The following TBCK variants were observed in gnomAD, a reference collection of about 807,000 sequenced individuals.
The protein encoded by TBCK is TBC domain-containing protein kinase-like protein.
TBCK carries 99 observed loss-of-function variants against 113.4 expected under a neutral mutation model. The observed-to-expected ratio is 0.87, with a 90% CI of 0.74 to 1.03. The LOEUF (loss-of-function observed/expected upper bound fraction) is 1.03, where lower values mean the gene tolerates loss of function less well. Ranked by LOEUF, TBCK falls within the 50% of genes least tolerant of loss-of-function variation. The pLI, the probability that TBCK is intolerant of heterozygous loss-of-function variation, is 0.00. For synonymous variants in TBCK, 369 were observed against 370.8 expected, an observed-to-expected ratio of 1.00 and a Z score of 0.05; for missense variants, 1,045 against 1,061.3, an observed-to-expected ratio of 0.98 and a Z score of 0.21.
intron 1 of TBCK, among the ~76,000 whole-genome samples, chr4:106,313,125 T>C (rs1340920143): frequency 6.6e-6 from 1 of 152,232 alleles, no homozygotes; most frequent in Non-Finnish European, 1.5e-5. Context: ...AGATAAACAC[T>C]GCTATACATT....
At chr4:106,086,957 C>CA (rs756201203) in intron 25 of TBCK, among the ~76,000 whole-genome samples, 1 of 152,136 alleles carries the variant, frequency 6.6e-6, no homozygotes, top group South Asian at 2.1e-4. Context: ...TTATTTATGA[C>CA]AAACTCACAG....
At chr4:106,281,902 G>T (rs1764633789) in intron 3 of TBCK, among the ~76,000 whole-genome samples, 1 of 151,982 alleles carries the variant, frequency 6.6e-6, no homozygotes. Flanking sequence ...TGGGTATCAG[G>T]GTAATATTGG....
chr4:106,127,401 G>A (rs561768725), intron 23 of TBCK, among the ~76,000 whole-genome samples: 3 of 152,152 alleles, frequency 2.0e-5, no homozygotes, highest in East Asian at 1.9e-4. Flanking sequence ...GACTGAGTGC[G>A]TGCATGTGTC....
intron 3 of TBCK, among the ~76,000 whole-genome samples, chr4:106,275,174 A>ACT (rs1763895786): frequency 1.3e-5 from 2 of 152,186 alleles, no homozygotes; most frequent in Non-Finnish European, 2.9e-5. Flanking sequence ...TAAAGAAGAA[A>ACT]AATCATATCA....
At chr4:106,096,013 CT>C (rs1169884397) in intron 24 of TBCK, among the ~76,000 whole-genome samples, 22 of 150,896 alleles carry the variant, frequency 1.5e-4, no homozygotes, top group South Asian at 6.3e-4. Flanking sequence ...GCTGCTTCAT[CT>C]TTTTTTTTAA....
intron 9 of TBCK, chr4:106,247,892 T>TA (rs1383369973): frequency 6.0e-6 from 1 of 167,230 alleles, no homozygotes; most frequent in Non-Finnish European, 1.3e-5. Flanking sequence ...TCCAAGTTCA[T>TA]TGCTATAATA....
chr4:106,049,715 A>C (rs774044301), intron 25 of TBCK, among the ~76,000 whole-genome samples: 1 of 152,112 alleles, frequency 6.6e-6, no homozygotes, highest in East Asian at 1.9e-4. Flanking sequence ...ACAAATCTAC[A>C]CTTACTGAGC....
intron 3 of TBCK, among the ~76,000 whole-genome samples, chr4:106,272,636 C>A (rs572543600): frequency 1.3e-5 from 2 of 151,692 alleles, no homozygotes; most frequent in South Asian, 4.2e-4. Context: ...GGACTACAGG[C>A]GCATGCCACC....
At chr4:106,164,014 T>A (rs978939542) in intron 23 of TBCK, among the ~76,000 whole-genome samples, 6 of 152,126 alleles carry the variant, frequency 3.9e-5, no homozygotes, top group African/African-American at 1.4e-4. Flanking sequence ...TTTGGGCCAA[T>A]GGTAGAATAA....
chr4:106,216,426 G>A (rs1227536245), intron 19 of TBCK, among the ~76,000 whole-genome samples: 1 of 152,118 alleles, frequency 6.6e-6, no homozygotes, highest in Admixed American at 6.5e-5. Context: ...CTGAATCCAG[G>A]AGCTGGTTTT....
chr4:106,288,754 T>C (rs1765376247), intron 3 of TBCK, among the ~76,000 whole-genome samples: 1 of 152,218 alleles, frequency 6.6e-6, no homozygotes, highest in Non-Finnish European at 1.5e-5. Flanking sequence ...GCATCCCTAA[T>C]CTGAAAATCT....
intron 23 of TBCK, among the ~76,000 whole-genome samples, chr4:106,131,229 C>T (rs185011442): frequency 2.0e-5 from 3 of 152,300 alleles, no homozygotes; most frequent in Admixed American, 6.5e-5. Flanking sequence ...ACAGGCCTCC[C>T]GAGCCATGTG....
rs917434838 is a variant in TBCK, at chr4:106,070,101, C to G, written c.2572-23421G>C. Among the ~76,000 whole-genome samples the G allele has an allele frequency of 5.3e-5, 8 of 152,200 alleles. No homozygotes were observed. In the East Asian group the frequency reaches 1.5e-3, roughly 29 times the overall value. On this transcript the variant is annotated intron_variant, in intron 25 of 25. Coordinates refer to ENST00000394708, the MANE Select transcript of TBCK (RefSeq NM_001163435.3). ...TCATCTGCAAACAGGGACAATTTGA[C>G]TTCCTCTTTTCCTAATTGAATACCC... is the stretch of plus-strand genomic sequence containing the variant.
Position 106,232,959 on chromosome 4 carries a change from G to A in TBCK, c.1618C>T (p.Pro540Ser). 1 of 1,612,024 alleles carries A rather than the reference G, an allele frequency of 6.2e-7. No homozygotes were observed. Among genetic ancestry groups the A allele is most frequent in the Non-Finnish European group, 8.5e-7 (1 of 1,178,690 alleles). Residue 540 changes from proline to serine, a missense_variant, in exon 17 of 26, where the codon CCT becomes TCT. Pro to Ser is a moderately conservative substitution (Grantham distance 74). Transcript: ENST00000394708. The stretch of plus-strand genomic sequence containing the variant: ...TTACCTTGCCAATACACAAGATCAG[G>A]ATGAGACACTACCCAGGCTTTTAAT... ...RVLKAWVVSH[P>S]DLVYWQGLDS...
chr4:106,284,140 T>A (rs75126341), intron 3 of TBCK, among the ~76,000 whole-genome samples: 1 of 152,148 alleles, frequency 6.6e-6, no homozygotes, highest in East Asian at 1.9e-4. Context: ...AGATCAGTTA[T>A]ATAAATCTCT....
intron 3 of TBCK, among the ~76,000 whole-genome samples, chr4:106,265,916 T>C (rs1762952045): frequency 6.6e-6 from 1 of 151,844 alleles, no homozygotes; most frequent in Non-Finnish European, 1.5e-5. Flanking sequence ...GGTTACTATT[T>C]ATAAAGAATG....
intron 23 of TBCK, among the ~76,000 whole-genome samples, chr4:106,162,152 G>A (rs1749875163): frequency 6.6e-6 from 1 of 152,104 alleles, no homozygotes; most frequent in Admixed American, 6.5e-5. Context: ...CAAAACAACA[G>A]GGCTACAGGC....
Position 106,231,742 on chromosome 4 carries a change from G to GC in TBCK, c.1676_1677insG (p.Asn559LysfsTer4). 1 of 1,609,212 alleles carries GC rather than the reference G, an allele frequency of 6.2e-7. No homozygotes were observed. The highest frequency in any genetic ancestry group is 8.5e-7 in the Non-Finnish European group (1 of 1,177,592). ...AAAGAGGCTTACCTTCATTATTGAAGTTTAGATATAGGAATGGAGCACAAA... is the reference window on the plus strand; with the variant it reads ...AAAGAGGCTTACCTTCATTATTGAAGCTTTAGATATAGGAATGGAGCACAAA... On this transcript the variant is annotated frameshift_variant, in exon 18 of 26. Transcript: ENST00000394708. LOFTEE classifies it high-confidence loss of function.
At chr4:106,136,114 T>C (rs1262656586) in intron 23 of TBCK, among the ~76,000 whole-genome samples, 3 of 141,994 alleles carry the variant, frequency 2.1e-5, no homozygotes, top group African/African-American at 7.5e-5. Context: ...ATCGAGAGCT[T>C]TGCTCAATTC....
Sources: gnomAD v4.1 joint callset for allele counts (sites outside exome capture counted in the v4.1 genomes callset) on GRCh38, gnomAD v4.1.1 for gene constraint, MANE v1.5 for transcripts, NCBI Gene and HGNC (gene_info 2026-07-23, HGNC 2026-07-21) for gene names.